EIF3A: variants seen among roughly 807,000 people sequenced by gnomAD.
The protein encoded by EIF3A is eukaryotic translation initiation factor 3 subunit A.
EIF3A carries 21 observed loss-of-function variants against 186.6 expected under a neutral mutation model. The ratio of observed to expected loss-of-function variants is 0.11; its 90% CI spans 0.08 to 0.16. EIF3A has a LOEUF of 0.16. Among genes scored for constraint, EIF3A ranks in the 10% least tolerant of loss-of-function variants. The probability of loss-of-function intolerance (pLI) is 1.00; values close to 1 mark genes in which losing one functional copy is unlikely to be tolerated. For synonymous variants in EIF3A, 563 were observed against 584.3 expected (o/e 0.96, Z 0.52); for missense variants, 1,306 against 1,796.3 (o/e 0.73, Z 4.93).
rs1279136323 is a variant in EIF3A at position 119,072,948 on chromosome 10, C to T, written c.483G>A (p.Leu161=). 1.2e-6 allele frequency: 2 copies of T among 1,614,090 alleles called. No individual in the cohort carries two copies. Among genetic ancestry groups the T allele is most frequent in the Non-Finnish European group, 1.7e-6 (2 of 1,180,016 alleles). The stretch of plus-strand genomic sequence containing the variant: ...CTCTAGAATTGTTTCTAAGAAGGTC[C>T]AAACACTGCCTGTAAGACTCCCACA... ...KFLWESYRQC[L]DLLRNNSRVE... The change falls in exon 4 of 22, where the codon TTG becomes TTA. Residue 161 remains leucine, a synonymous_variant. Transcript: ENST00000369144.
chr10:119,059,079 G>T, intron 11 of EIF3A, 133 bp downstream of exon 11: 1 of 744,326 alleles, frequency 1.3e-6, no homozygotes, highest in Non-Finnish European at 2.2e-6. Context: ...AAACTACCAA[G>T]TACAATTCTA....
Position 119,042,415 on chromosome 10 carries a change from G to C in EIF3A, c.3105C>G (p.Asp1035Glu). Reference sequence around the variant, plus strand: ...CATCCATCCCACGTCTTGGTCCTCTGTCCTCATCAGCTGTTCGCCAGCTTC... The same window carrying C: ...CATCCATCCCACGTCTTGGTCCTCTCTCCTCATCAGCTGTTCGCCAGCTTC... The part of the protein sequence containing the change: ...DRGSWRTADE[D>E]RGPRRGMDDD... Residue 1035 changes from aspartate (D) to glutamate (E), a missense_variant, in exon 19 of 22, where the codon GAC becomes GAG. This residue lies in a region of EIF3A where 410 missense variants were observed against 473.5 expected (regional missense o/e 0.87). Coordinates refer to ENST00000369144, the MANE Select transcript of EIF3A (RefSeq NM_003750.4). This position sits in a 1 kb window ranked among gnomAD's most constrained non-coding sequence, Gnocchi z 7.8. The C allele has an allele frequency of 1.2e-6, 2 of 1,614,044 alleles. No individual in the cohort carries two copies. The highest frequency in any genetic ancestry group is 2.7e-5 in the African/African-American group (2 of 74,992).
intron 14 of EIF3A, 136 bp downstream of exon 14, chr10:119,056,604 T>C: frequency 5.0e-6 from 3 of 597,536 alleles, no homozygotes; most frequent in Non-Finnish European, 8.7e-6. Flanking sequence ...TTTCTACCAA[T>C]CTGTTCATAG....
At chr10:119,060,636 G>A in intron 9 of EIF3A, 110 bp downstream of exon 9, 2 of 653,338 alleles carry the variant, frequency 3.1e-6, no homozygotes, top group Non-Finnish European at 5.1e-6. Context: ...TTTGCCAGGG[G>A]CAGAACTTGG....
chr10:119,061,646 TAAC>T (rs1045265629), intron 7 of EIF3A, among the ~76,000 whole-genome samples: 1 of 152,104 alleles, frequency 6.6e-6, no homozygotes, highest in African/African-American at 2.4e-5. Context: ...TTATTACCAA[TAAC>T]AAGGAAAATA....
intron 4 of EIF3A, among the ~76,000 whole-genome samples, chr10:119,072,270 T>C (rs1044589501): frequency 3.8e-4 from 58 of 151,490 alleles, no homozygotes; most frequent in African/African-American, 1.4e-3. Flanking sequence ...GAAAAGTTTA[T>C]TTTTTCAGTT....
intron 5 of EIF3A, among the ~76,000 whole-genome samples, chr10:119,070,169 ATAAT>A (rs1844049298): frequency 6.6e-6 from 1 of 152,242 alleles, no homozygotes; most frequent in Non-Finnish European, 1.5e-5. Flanking sequence ...TTCTTCCTCT[ATAAT>A]TTCAATCAAA....
chr10:119,073,590 A>T lies in EIF3A; in HGVS notation c.241-13T>A. ...ATTTTATGTTCACCTAATCCAAAAA[A>T]ACAAAAACTCTTCAGAACTTATTTT... On this transcript the variant is annotated splice_polypyrimidine_tract_variant and intron_variant, in intron 2 of 21. Coordinates refer to ENST00000369144, the MANE Select transcript of EIF3A (RefSeq NM_003750.4). The T allele has an allele frequency of 1.2e-6, 2 of 1,605,938 alleles. No homozygotes were observed. The highest frequency in any genetic ancestry group is 1.7e-6 in the Non-Finnish European group (2 of 1,177,772).
At chr10:119,057,338 G>T (rs2119819248) in intron 12 of EIF3A, among the ~76,000 whole-genome samples, 1 of 152,196 alleles carries the variant, frequency 6.6e-6, no homozygotes, top group South Asian at 2.1e-4. Context: ...AAAACTTTCT[G>T]AGCACCAACA....
intron 7 of EIF3A, among the ~76,000 whole-genome samples, chr10:119,062,248 T>C (rs992078887): frequency 6.6e-6 from 1 of 152,216 alleles, no homozygotes; most frequent in East Asian, 1.9e-4. Context: ...TATCAAGTTA[T>C]TTTAGATTCT....
intron 12 of EIF3A, 109 bp from the exon 13 acceptor site, chr10:119,057,149 G>A (rs1843795312): frequency 7.8e-6 from 5 of 644,326 alleles, no homozygotes; most frequent in Non-Finnish European, 1.3e-5. Flanking sequence ...TTGTTACAAT[G>A]GGTGATAATT....
chr10:119,068,039 A>G (rs1589694415), intron 6 of EIF3A, among the ~76,000 whole-genome samples: 1 of 152,124 alleles, frequency 6.6e-6, no homozygotes, highest in Non-Finnish European at 1.5e-5. Flanking sequence ...TTGAACTCCT[A>G]ACCCTAAGTG....
chr10:119,058,203 T>G lies in EIF3A; in HGVS notation c.1730A>C (p.Glu577Ala), dbSNP rs775092336. Residue 577 changes from glutamate (E) to alanine (A), a missense_variant, in exon 12 of 22, where the codon GAG (glutamate) becomes GCG (alanine). Glu to Ala is a moderately radical substitution (Grantham distance 107). Transcript: ENST00000369144. The part of the protein sequence containing the change: ...RILARRQTIE[E>A]RKERLESLNI... ...CAGACTCTCAAGGCGCTCTTTTCTC[T>G]CCTCAATTGTCTGGCGGCGAGCCAG... is the stretch of plus-strand genomic sequence containing the variant. The G allele has an allele frequency of 1.2e-5, 20 of 1,613,840 alleles. No homozygotes were observed. The highest frequency in any genetic ancestry group is 5.0e-5 in the Admixed American group (3 of 59,964).
intron 20 of EIF3A, among the ~76,000 whole-genome samples, chr10:119,037,907 ATTTTTTTTTT>A (rs575308953): frequency 1.1e-5 from 1 of 93,104 alleles, no homozygotes; most frequent in Non-Finnish European, 1.9e-5. Flanking sequence ...TTAAGAGGGA[ATTTTTTTTTT>A]TTTTTTTTTT....
chr10:119,043,817 G>A (rs528943253), intron 18 of EIF3A, among the ~76,000 whole-genome samples: 6 of 151,006 alleles, frequency 4.0e-5, no homozygotes, highest in South Asian at 4.2e-4. Flanking sequence ...CTATTCGAGA[G>A]GCTGAGGCAC....
intron 19 of EIF3A, among the ~76,000 whole-genome samples, chr10:119,041,183 GA>G (rs942507457): frequency 6.6e-6 from 1 of 150,718 alleles, no homozygotes; most frequent in Admixed American, 6.6e-5. Flanking sequence ...ACCTCAAAAA[GA>G]AAAAAAATGG....
chr10:119,067,896 C>T (rs949321606), intron 6 of EIF3A, among the ~76,000 whole-genome samples: 11 of 152,110 alleles, frequency 7.2e-5, no homozygotes, highest in African/African-American at 2.4e-4. Flanking sequence ...CCACAAGCTA[C>T]GCCTCCCAGG....
Position 119,069,468 on chromosome 10 carries a change from G to A in EIF3A, c.928C>T (p.Leu310Phe), listed in dbSNP as rs1243702155. Reference sequence around the variant, plus strand: ...TACCTTTGCATCTCATCTTGTGTGAGATTCTTTCTCATTTCTCTAGAGAGA... The same window carrying A: ...TACCTTTGCATCTCATCTTGTGTGAAATTCTTTCTCATTTCTCTAGAGAGA... ...YHLSREMRKN[L>F]TQDEMQRMST... is the part of the protein sequence containing the mutation. The change falls in exon 6 of 22, where the codon CTC (leucine) becomes TTC (phenylalanine). Residue 310 changes from leucine (L) to phenylalanine (F), a missense_variant. Coordinates refer to ENST00000369144, the MANE Select transcript of EIF3A (RefSeq NM_003750.4). 4.0e-6 allele frequency: 6 copies of A among 1,513,658 alleles called. No individual in the cohort carries two copies. The highest frequency in any genetic ancestry group is 1.7e-5 in the Admixed American group (1 of 59,874). The allele number at this position is 1,513,658 out of a possible 1,614,324, so 93.8% of individuals were successfully genotyped here.
chr10:119,079,288 A>G (rs551160955), intron 1 of EIF3A, among the ~76,000 whole-genome samples: 2 of 152,136 alleles, frequency 1.3e-5, no homozygotes, highest in East Asian at 1.9e-4. Context: ...GAATTATCCT[A>G]TTCCACAGAC....
Sources: gnomAD v4.1 joint callset for allele counts (sites outside exome capture counted in the v4.1 genomes callset) on GRCh38, gnomAD v4.1.1 for gene constraint, gnomAD v4.1.1 regional missense constraint, Gnocchi (gnomAD v3.1) non-coding constraint, MANE v1.5 for transcripts, NCBI Gene and HGNC (gene_info 2026-07-23, HGNC 2026-07-21) for gene names.